Variants in CAMKMT observed in about 807,000 individuals in gnomAD.
CAMKMT encodes CaM KMT.
CAMKMT carries 53 observed loss-of-function variants against 48.0 expected under a neutral mutation model. The ratio of observed to expected loss-of-function variants is 1.10; its 90% CI spans 0.89 to 1.39. The LOEUF is 1.39. Ranked by LOEUF, CAMKMT falls within the 40% of genes most tolerant of loss-of-function variation. The pLI is 0.00. For synonymous variants in CAMKMT, 165 were observed against 152.3 expected (o/e 1.08, Z -0.61); for missense variants, 428 against 402.7 (o/e 1.06, Z -0.54).
chr2:44,675,088 A>AGTGG (rs1293861815), intron 3 of CAMKMT, among the ~76,000 whole-genome samples: 1 of 148,324 alleles, frequency 6.7e-6, no homozygotes. Context: ...AGGGGGGGAA[A>AGTGG]AAAAAAAAGG....
chr2:44,412,094 A>G (rs1360225979), intron 3 of CAMKMT, among the ~76,000 whole-genome samples: 1 of 150,410 alleles, frequency 6.6e-6, no homozygotes, highest in East Asian at 2.0e-4. Flanking sequence ...CAGAGAAAAC[A>G]CAGCATATAA....
At chr2:44,367,263 G>A (rs1291097366) in intron 1 of CAMKMT, among the ~76,000 whole-genome samples, 1 of 151,940 alleles carries the variant, frequency 6.6e-6, no homozygotes, top group Admixed American at 6.6e-5. Flanking sequence ...AAGGAAACCT[G>A]GTTAAGTATC....
At chr2:44,410,258 T>A (rs1480907817) in intron 3 of CAMKMT, among the ~76,000 whole-genome samples, 14 of 84,846 alleles carry the variant, frequency 1.7e-4, no homozygotes, top group Admixed American at 3.6e-4. Flanking sequence ...TTTTTTTTTT[T>A]TTTTTTTTTT....
At chr2:44,428,357 G>A (rs1405069996) in intron 3 of CAMKMT, among the ~76,000 whole-genome samples, 3 of 152,162 alleles carry the variant, frequency 2.0e-5, no homozygotes, top group East Asian at 1.9e-4. Context: ...TTCTCTTCTC[G>A]ACGTTCAGAC....
chr2:44,508,911 T>C (rs1033748169), intron 3 of CAMKMT, among the ~76,000 whole-genome samples: 1 of 151,764 alleles, frequency 6.6e-6, no homozygotes, highest in South Asian at 2.1e-4. Context: ...GCCTGACCAA[T>C]ATGGTGAAAC....
At chr2:44,541,448 G>T (rs981311061) in intron 3 of CAMKMT, among the ~76,000 whole-genome samples, 1 of 151,920 alleles carries the variant, frequency 6.6e-6, no homozygotes, top group African/African-American at 2.4e-5. Flanking sequence ...TATTATCTTT[G>T]TTGCTATTAA....
At chr2:44,604,500 T>A (rs1317010655) in intron 3 of CAMKMT, among the ~76,000 whole-genome samples, 1 of 150,932 alleles carries the variant, frequency 6.6e-6, no homozygotes, top group Non-Finnish European at 1.5e-5. Flanking sequence ...TTCAACATAT[T>A]GGAGGAAATA....
chr2:44,706,264 AC>A, intron 4 of CAMKMT, 22 bp from the exon 5 acceptor site: 1 of 1,612,234 alleles, frequency 6.2e-7, no homozygotes. Context: ...TATGGGTTCT[AC>A]CATTTCTTTT....
chr2:44,731,388 G>A (rs2104345523), intron 7 of CAMKMT, among the ~76,000 whole-genome samples: 1 of 152,218 alleles, frequency 6.6e-6, no homozygotes, highest in South Asian at 2.1e-4. Context: ...ACAGCCAGGA[G>A]TCTGAAAATA....
At chr2:44,398,694 C>T (rs1254449465) in intron 3 of CAMKMT, among the ~76,000 whole-genome samples, 1 of 151,386 alleles carries the variant, frequency 6.6e-6, no homozygotes, top group Non-Finnish European at 1.5e-5. Flanking sequence ...TTTAAAAGTG[C>T]TTACATAAAC....
chr2:44,396,285 T>C (rs1681833014), intron 3 of CAMKMT, among the ~76,000 whole-genome samples: 1 of 64,468 alleles, frequency 1.6e-5, no homozygotes, highest in African/African-American at 1.0e-4. Flanking sequence ...AGACCCTTTA[T>C]TCAAAAAGCG....
At chr2:44,558,290 T>C (rs886786082) in intron 3 of CAMKMT, among the ~76,000 whole-genome samples, 1 of 152,162 alleles carries the variant, frequency 6.6e-6, no homozygotes, top group African/African-American at 2.4e-5. Flanking sequence ...GCCTCCTGCC[T>C]TGGCCTCCCA....
chr2:44,560,932 G>T (rs1283500000), intron 3 of CAMKMT, among the ~76,000 whole-genome samples: 1 of 152,134 alleles, frequency 6.6e-6, no homozygotes, highest in African/African-American at 2.4e-5. Flanking sequence ...TTAGATGGGG[G>T]CTTTGAGTCT....
intron 3 of CAMKMT, among the ~76,000 whole-genome samples, chr2:44,635,130 C>T (rs1673051887): frequency 6.6e-6 from 1 of 152,160 alleles, no homozygotes; most frequent in Non-Finnish European, 1.5e-5. Flanking sequence ...AAGTGTTGAG[C>T]ATCCAAAGGG....
chr2:44,695,879 T>G lies in CAMKMT; in HGVS notation c.377-8404T>G, dbSNP rs116149310. ...ATCCATGGATTCTGCATCTGAGGAT[T>G]CAGCCAACCTCTGATCCAAAATATT... On this transcript the variant is annotated intron_variant, in intron 3 of 10. Transcript: ENST00000378494. 8.0e-3 allele frequency among the ~76,000 whole-genome samples: 1,214 copies of G among 151,706 alleles called. 7 individuals carry two copies. Among genetic ancestry groups the G allele is most frequent in the Non-Finnish European group, 0.012 (818 of 67,906 alleles).
chr2:44,376,956 T>G (rs530958449), intron 2 of CAMKMT, among the ~76,000 whole-genome samples: 1 of 152,136 alleles, frequency 6.6e-6, no homozygotes, highest in Non-Finnish European at 1.5e-5. Flanking sequence ...AAATCCAGGG[T>G]ATGACTCCTG....
chr2:44,569,379 A>G (rs1282244134), intron 3 of CAMKMT, among the ~76,000 whole-genome samples: 2 of 152,178 alleles, frequency 1.3e-5, no homozygotes, highest in Non-Finnish European at 2.9e-5. Context: ...AAATTTGCAT[A>G]TGTAATCCAA....
chr2:44,733,520 G>C (rs1022609539), intron 7 of CAMKMT, among the ~76,000 whole-genome samples: 2 of 152,120 alleles, frequency 1.3e-5, no homozygotes, highest in African/African-American at 4.8e-5. Flanking sequence ...TATGCCTGAC[G>C]TTAGGAAGAA....
At chr2:44,593,609 TTCCTGCC>T (rs1670454433) in intron 3 of CAMKMT, among the ~76,000 whole-genome samples, 1 of 152,220 alleles carries the variant, frequency 6.6e-6, no homozygotes, top group African/African-American at 2.4e-5. Context: ...ATAACTGTCC[TTCCTGCC>T]TCCTGCCCAC....
Sources: allele counts gnomAD v4.1 joint callset (sites outside exome capture counted in the v4.1 genomes callset), GRCh38; gene constraint gnomAD v4.1.1; transcripts MANE v1.5; gene names NCBI Gene and HGNC (gene_info 2026-07-23, HGNC 2026-07-21).